PCSK5: variants seen among roughly 807,000 people sequenced by gnomAD.
PCSK5 encodes prohormone convertase 5.
Under a neutral mutation model 233.2 loss-of-function variants are expected in PCSK5, and 129 were observed. That is an observed-to-expected ratio of 0.55 (90% CI 0.48 to 0.64). PCSK5 has a LOEUF of 0.64. PCSK5 is among the 30% of genes least tolerant of loss of function. The pLI is 0.00. For missense variants in PCSK5, 2,076 were observed against 2,430.1 expected (o/e 0.85, Z 3.06); for synonymous variants, 825 against 879.2 (o/e 0.94, Z 1.09).
chr9:75,937,634 G>A (rs1340349472), intron 2 of PCSK5, among the ~76,000 whole-genome samples: 2 of 152,236 alleles, frequency 1.3e-5, no homozygotes, highest in African/African-American at 2.4e-5. Flanking sequence ...TTTCTAGTGT[G>A]AAAGTCATAG....
rs1331707121 is a variant in PCSK5, at chr9:75,890,991, C to T, written c.-191C>T. The T allele has an allele frequency of 1.4e-4, 68 of 469,516 alleles. No homozygotes were observed. In the East Asian group the frequency reaches 2.4e-3, roughly 17 times the overall value. The allele number at this position is 469,516 out of a possible 1,614,324, so 29.1% of individuals were successfully genotyped here. ...AGGTCCCGGCAGCCCCAGGGATGGT[C>T]TAGGAGCCGGCGTAAGGCTCGCTGC... On this transcript the variant is annotated 5_prime_UTR_variant, in exon 1 of 38. Transcript: ENST00000674117.
intron 34 of PCSK5, among the ~76,000 whole-genome samples, chr9:76,336,917 A>C (rs1000811436): frequency 1.3e-5 from 2 of 151,786 alleles, no homozygotes; most frequent in Non-Finnish European, 2.9e-5. Flanking sequence ...TAACTACCAC[A>C]CTCTAGTGTC....
chr9:76,040,385 G>GTCTCTCTC (rs5898445), intron 5 of PCSK5, among the ~76,000 whole-genome samples: 17 of 80,670 alleles, frequency 2.1e-4, no homozygotes, highest in South Asian at 5.5e-4. Context: ...CTCTCTCTCT[G>GTCTCTCTC]TCTCTCTCTC....
intron 26 of PCSK5, 51 bp from the exon 27 acceptor site, chr9:76,296,614 C>G: frequency 7.8e-7 from 1 of 1,278,902 alleles, no homozygotes; most frequent in East Asian, 2.3e-5. Context: ...AGAACTTGGC[C>G]TTGCAAAGAT....
At chr9:76,040,387 C>CTCTCTCTCTG (rs1829063591) in intron 5 of PCSK5, among the ~76,000 whole-genome samples, 2 of 39,044 alleles carry the variant, frequency 5.1e-5, no homozygotes, top group African/African-American at 2.7e-4. Context: ...CTCTCTCTGT[C>CTCTCTCTCTG]TCTCTCTCTC....
intron 1 of PCSK5, among the ~76,000 whole-genome samples, chr9:75,920,180 C>T (rs1190997854): frequency 1.3e-5 from 2 of 152,082 alleles, no homozygotes; most frequent in African/African-American, 4.8e-5. Flanking sequence ...CATCTCTGAA[C>T]TGAACAACCA....
At chr9:76,140,910 C>T (rs1332409561) in intron 10 of PCSK5, among the ~76,000 whole-genome samples, 1 of 152,028 alleles carries the variant, frequency 6.6e-6, no homozygotes, top group Admixed American at 6.6e-5. Context: ...AAAGCATCTA[C>T]ATTTAAGAGA....
chr9:75,897,450 A>G (rs1271391599), intron 1 of PCSK5, among the ~76,000 whole-genome samples: 1 of 150,592 alleles, frequency 6.6e-6, no homozygotes, highest in African/African-American at 2.4e-5. Flanking sequence ...TGTTTATAAG[A>G]CATATACTCT....
chr9:75,931,882 AAACAAACG>A (rs376666632), intron 1 of PCSK5, among the ~76,000 whole-genome samples: 2 of 138,178 alleles, frequency 1.4e-5, no homozygotes, highest in African/African-American at 5.4e-5. Flanking sequence ...CAGAAGTCAC[AAACAAACG>A]AAGTCATGTT....
intron 27 of PCSK5, 100 bp from the exon 28 acceptor site, chr9:76,302,037 C>CA (rs1268688207): frequency 2.2e-6 from 1 of 453,800 alleles, no homozygotes; most frequent in African/African-American, 2.1e-5. Flanking sequence ...ACAGTATACA[C>CA]AGCAGACATT....
chr9:76,298,124 A>T (rs1265795046), intron 27 of PCSK5, among the ~76,000 whole-genome samples: 1 of 152,166 alleles, frequency 6.6e-6, no homozygotes, highest in Non-Finnish European at 1.5e-5. Context: ...CTAGCTGAAC[A>T]TCTGTATTTT....
chr9:76,155,565 T>A (rs1322446516), intron 10 of PCSK5, among the ~76,000 whole-genome samples: 1 of 152,164 alleles, frequency 6.6e-6, no homozygotes, highest in Non-Finnish European at 1.5e-5. Context: ...AAAAGTGCAG[T>A]GCCTGATAAC....
At chr9:76,342,837 C>T (rs1265252144) in intron 35 of PCSK5, among the ~76,000 whole-genome samples, 1 of 152,132 alleles carries the variant, frequency 6.6e-6, no homozygotes, top group East Asian at 1.9e-4. Context: ...TTGCCTGAGA[C>T]AGTAACCTGG....
chr9:75,999,524 G>A (rs1378773689), intron 3 of PCSK5, among the ~76,000 whole-genome samples: 1 of 152,262 alleles, frequency 6.6e-6, no homozygotes, highest in East Asian at 1.9e-4. Context: ...CCGAATTAGA[G>A]GAATAGGTTG....
intron 5 of PCSK5, among the ~76,000 whole-genome samples, chr9:76,044,679 T>A (rs1462464299): frequency 3.3e-5 from 5 of 152,226 alleles, no homozygotes. Flanking sequence ...GAAAGCCTAG[T>A]AATAGCCTAG....
intron 1 of PCSK5, among the ~76,000 whole-genome samples, chr9:75,917,322 A>T (rs923238652): frequency 1.3e-5 from 2 of 152,230 alleles, no homozygotes; most frequent in African/African-American, 4.8e-5. Context: ...GTGGGCAATC[A>T]CGTATGATGC....
intron 9 of PCSK5, among the ~76,000 whole-genome samples, chr9:76,112,097 C>G (rs186386117): frequency 6.6e-6 from 1 of 152,016 alleles, no homozygotes; most frequent in Non-Finnish European, 1.5e-5. Context: ...TCAGAAAATA[C>G]AAAAATTAAG....
chr9:76,257,690 G>A (rs1218689694), intron 24 of PCSK5, among the ~76,000 whole-genome samples: 4 of 152,204 alleles, frequency 2.6e-5, no homozygotes, highest in African/African-American at 4.8e-5. Flanking sequence ...ACCAGTTCCA[G>A]GGGCAGGATC....
chr9:76,214,975 A>G (rs1825470540), intron 20 of PCSK5, among the ~76,000 whole-genome samples: 1 of 152,242 alleles, frequency 6.6e-6, no homozygotes, highest in Non-Finnish European at 1.5e-5. Flanking sequence ...TTGCAAGTCT[A>G]TCATTCATGC....
Sources: allele counts gnomAD v4.1 joint callset (sites outside exome capture counted in the v4.1 genomes callset), GRCh38; gene constraint gnomAD v4.1.1; transcripts MANE v1.5; gene names NCBI Gene and HGNC (gene_info 2026-07-23, HGNC 2026-07-21).